Variants in GTF2E2 observed in about 807,000 individuals in gnomAD.
GTF2E2 encodes transcription initiation factor IIE subunit beta.
In GTF2E2, 21 loss-of-function variants were observed where a neutral mutation model predicts 40.5. The observed-to-expected ratio is 0.52, with a 90% confidence interval of 0.37 to 0.75. The LOEUF is 0.75. GTF2E2 is among the 30% of genes least tolerant of loss of function. The pLI, the probability that GTF2E2 is intolerant of heterozygous loss-of-function variation, is 0.00. For missense variants in GTF2E2, 298 were observed against 338.4 expected, an observed-to-expected ratio of 0.88 and a Z score of 0.94; for synonymous variants, 117 against 121.6, an observed-to-expected ratio of 0.96 and a Z score of 0.25.
At chr8:30,605,311 G>C (rs1263878647) in intron 6 of GTF2E2, among the ~76,000 whole-genome samples, 1 of 152,118 alleles carries the variant, frequency 6.6e-6, no homozygotes, top group Admixed American at 6.5e-5. Flanking sequence ...GGAGGAGAGA[G>C]ATAGGTATAG....
intron 7 of GTF2E2, 143 bp from the exon 8 acceptor site, chr8:30,579,180 A>C: frequency 3.0e-6 from 2 of 665,532 alleles, no homozygotes; most frequent in African/African-American, 1.8e-5. Flanking sequence ...AGCAGCACAC[A>C]TGGGGCACAG....
At chr8:30,590,898 C>A (rs981057404) in intron 6 of GTF2E2, among the ~76,000 whole-genome samples, 6 of 152,044 alleles carry the variant, frequency 3.9e-5, no homozygotes, top group Non-Finnish European at 4.4e-5. Context: ...GCCATGTTGG[C>A]CAAGCTGGTC....
chr8:30,624,556 T>C (rs1410741328), intron 3 of GTF2E2, among the ~76,000 whole-genome samples: 2 of 152,112 alleles, frequency 1.3e-5, no homozygotes, highest in Non-Finnish European at 2.9e-5. Context: ...AAGAAAGTCA[T>C]TGGTAGCTTG....
At position 30,609,851 on chromosome 8, in the gene GTF2E2, C is replaced by T. The variant is rs905252056; in HGVS notation, c.549+2448G>A. Reference sequence around the variant, plus strand: ...CTGGTCATTTAAAAGTGTGTGGCACCTTCCCCACTCTCTCTTGCTCCTGCT... The same window carrying T: ...CTGGTCATTTAAAAGTGTGTGGCACTTTCCCCACTCTCTCTTGCTCCTGCT... On this transcript the variant is annotated intron_variant, in intron 5 of 7. Coordinates refer to ENST00000355904, the MANE Select transcript of GTF2E2 (RefSeq NM_002095.6). Among the ~76,000 whole-genome samples the T allele has an allele frequency of 3.9e-5, 6 of 152,146 alleles. No homozygotes were observed. The East Asian group carries it at 9.7e-4, about 25-fold the overall frequency.
At chr8:30,615,985 C>T (rs539213648) in intron 3 of GTF2E2, among the ~76,000 whole-genome samples, 2 of 152,124 alleles carry the variant, frequency 1.3e-5, no homozygotes, top group Non-Finnish European at 2.9e-5. Context: ...GGAATACTAT[C>T]CAGTGCTAAA....
intron 6 of GTF2E2, among the ~76,000 whole-genome samples, chr8:30,596,557 A>T (rs1263280614): frequency 6.6e-6 from 1 of 152,146 alleles, no homozygotes; most frequent in East Asian, 1.9e-4. Context: ...TTTAGATTCC[A>T]TGTCTGGTAG....
intron 7 of GTF2E2, among the ~76,000 whole-genome samples, chr8:30,580,070 G>A (rs888993003): frequency 1.3e-5 from 2 of 152,180 alleles, no homozygotes; most frequent in Non-Finnish European, 2.9e-5. Context: ...AGGACTGCTT[G>A]GGAGGAGCTG....
At chr8:30,600,673 T>A (rs1037028049) in intron 6 of GTF2E2, among the ~76,000 whole-genome samples, 5 of 152,188 alleles carry the variant, frequency 3.3e-5, no homozygotes, top group African/African-American at 1.2e-4. Context: ...CTCTTCCCCA[T>A]CACATTTATA....
At chr8:30,613,542 A>G (rs1176712736) in intron 4 of GTF2E2, among the ~76,000 whole-genome samples, 1 of 152,226 alleles carries the variant, frequency 6.6e-6, no homozygotes, top group Non-Finnish European at 1.5e-5. Flanking sequence ...GAATAGTAAA[A>G]TGATCAAAGT....
chr8:30,638,584 G>A (rs1206949895), intron 2 of GTF2E2: 1 of 152,578 alleles, frequency 6.6e-6, no homozygotes, highest in African/African-American at 2.4e-5. Flanking sequence ...CTGTGCACTA[G>A]ACTGCATTAC....
intron 6 of GTF2E2, among the ~76,000 whole-genome samples, chr8:30,583,806 A>AT (rs1668064792): frequency 7.9e-5 from 12 of 151,216 alleles, no homozygotes; most frequent in East Asian, 1.9e-4. Flanking sequence ...TATTTTATTT[A>AT]TTTATTTTAT....
intron 1 of GTF2E2, chr8:30,656,823 A>AAAT (rs1802463316): frequency 6.6e-6 from 1 of 151,704 alleles, no homozygotes; most frequent in African/African-American, 2.4e-5. Flanking sequence ...AAAAAAAAAA[A>AAAT]AAAAGTAAAT....
At chr8:30,653,632 C>G (rs747176833) in intron 1 of GTF2E2, 30 bp from the exon 2 acceptor site, 2 of 1,535,322 alleles carry the variant, frequency 1.3e-6, no homozygotes, top group Non-Finnish European at 1.8e-6. Flanking sequence ...GTCTTTAATA[C>G]AAATTCAAGT....
chr8:30,586,765 G>T (rs966732266), intron 6 of GTF2E2, among the ~76,000 whole-genome samples: 2 of 152,196 alleles, frequency 1.3e-5, no homozygotes, highest in African/African-American at 4.8e-5. Flanking sequence ...GAAAAGGACA[G>T]TCTCTTCAAT....
chr8:30,657,120 A>C (rs1802473919), intron 1 of GTF2E2: 1 of 152,190 alleles, frequency 6.6e-6, no homozygotes, highest in Admixed American at 6.5e-5. Flanking sequence ...AAAGCTTCGC[A>C]ATGTCTGTCT....
intron 3 of GTF2E2, among the ~76,000 whole-genome samples, chr8:30,615,241 T>G (rs1320125792): frequency 6.6e-6 from 1 of 152,072 alleles, no homozygotes. Context: ...ATCATGCCAC[T>G]GCACTCCAGC....
At chr8:30,615,430 A>G (rs181667640) in intron 3 of GTF2E2, among the ~76,000 whole-genome samples, 2 of 152,304 alleles carry the variant, frequency 1.3e-5, no homozygotes, top group Admixed American at 1.3e-4. Context: ...ACCACACAGA[A>G]AAGTGACTTA....
chr8:30,625,531 T>C (rs1801245576), intron 3 of GTF2E2, among the ~76,000 whole-genome samples: 1 of 152,158 alleles, frequency 6.6e-6, no homozygotes, highest in East Asian at 1.9e-4. Context: ...GCCAAATCAA[T>C]GGTTTCATAA....
intron 5 of GTF2E2, among the ~76,000 whole-genome samples, chr8:30,609,265 CAAAAAA>C (rs753208919): frequency 3.9e-5 from 1 of 25,922 alleles, no homozygotes; most frequent in East Asian, 4.4e-4. Context: ...GACTCCGCCT[CAAAAAA>C]AAAAAAAAAG....
Sources: allele counts gnomAD v4.1 joint callset (sites outside exome capture counted in the v4.1 genomes callset), GRCh38; gene constraint gnomAD v4.1.1; transcripts MANE v1.5; gene names NCBI Gene and HGNC (gene_info 2026-07-23, HGNC 2026-07-21).